SLC2A9: variants seen among roughly 807,000 people sequenced by gnomAD.
SLC2A9 encodes solute carrier family 2 member 9, also known as solute carrier family 2, facilitated glucose transporter member 9.
A neutral mutation model predicts 50.6 loss-of-function variants in SLC2A9; 39 were observed. The observed-to-expected ratio is 0.77, with a 90% CI of 0.60 to 1.01. The LOEUF (loss-of-function observed/expected upper bound fraction) is 1.01, where lower values mean the gene tolerates loss of function less well. SLC2A9 is among the 50% of genes least tolerant of loss of function. SLC2A9 has a pLI of 0.00. For synonymous variants in SLC2A9, 324 were observed against 276.9 expected (o/e 1.17, Z -1.69); for missense variants, 686 against 677.6 (o/e 1.01, Z -0.14).
intron 7 of SLC2A9, among the ~76,000 whole-genome samples, chr4:9,915,038 C>T (rs16890905): frequency 0.15 from 22,815 of 152,166 alleles, 2,674 homozygotes; most frequent in East Asian, 0.66. Flanking sequence ...AATGATACCA[C>T]CTTTCTGGCC....
intron 10 of SLC2A9, among the ~76,000 whole-genome samples, chr4:9,837,109 C>T (rs1727237647): frequency 1.3e-5 from 2 of 152,198 alleles, no homozygotes; most frequent in Non-Finnish European, 1.5e-5. Flanking sequence ...TCCCACTACA[C>T]TGTGAGCCCC....
chr4:10,001,714 GTTCT>G (rs1231880828), intron 2 of SLC2A9, among the ~76,000 whole-genome samples: 4 of 152,176 alleles, frequency 2.6e-5, no homozygotes, highest in Non-Finnish European at 5.9e-5. Flanking sequence ...TGGCCACTAT[GTTCT>G]TTCTTAGTGG....
At chr4:9,932,087 C>T (rs1015843946) in intron 6 of SLC2A9, among the ~76,000 whole-genome samples, 3 of 148,106 alleles carry the variant, frequency 2.0e-5, no homozygotes, top group African/African-American at 7.6e-5. Flanking sequence ...TCACAGAAGG[C>T]CCAAAGCAAT....
chr4:9,902,777 T>A (rs1172182284), intron 8 of SLC2A9, among the ~76,000 whole-genome samples: 2 of 152,216 alleles, frequency 1.3e-5, no homozygotes. Context: ...CCTATTCCAG[T>A]ATAACCGTAT....
At chr4:10,028,569 T>G (rs1214868778) in intron 1 of SLC2A9, among the ~76,000 whole-genome samples, 1 of 151,682 alleles carries the variant, frequency 6.6e-6, no homozygotes, top group African/African-American at 2.4e-5. Flanking sequence ...CCAATAATAA[T>G]GCATGGACAT....
At chr4:9,803,611 C>G (rs1721746671) in intron 3 of SLC2A9, among the ~76,000 whole-genome samples, 1 of 152,214 alleles carries the variant, frequency 6.6e-6, no homozygotes, top group African/African-American at 2.4e-5. Flanking sequence ...CCTTCATTGA[C>G]AGCTATGGAG....
chr4:9,801,884 T>G (rs73805857), intron 3 of SLC2A9, among the ~76,000 whole-genome samples: 173 of 152,332 alleles, frequency 1.1e-3, no homozygotes, highest in African/African-American at 4.0e-3. Flanking sequence ...CTGAATGTGA[T>G]GCATTTTAAT....
chr4:10,022,141 C>T (rs531164873), upstream of SLC2A9, among the ~76,000 whole-genome samples: 4 of 152,290 alleles, frequency 2.6e-5, no homozygotes, highest in South Asian at 8.3e-4. Context: ...GTCTGGCCAA[C>T]TCCTCCACTT....
At chr4:9,905,220 C>A (rs934496869) in intron 8 of SLC2A9, among the ~76,000 whole-genome samples, 1 of 152,258 alleles carries the variant, frequency 6.6e-6, no homozygotes, top group East Asian at 1.9e-4. Context: ...TCACTTCCTG[C>A]TCAGAGGAAC....
At chr4:9,833,319 A>C (rs1726487546) in intron 11 of SLC2A9, among the ~76,000 whole-genome samples, 1 of 152,144 alleles carries the variant, frequency 6.6e-6, no homozygotes, top group Non-Finnish European at 1.5e-5. Flanking sequence ...GATGTCTTGA[A>C]AGTTACAGGG....
chr4:9,781,506 C>G lies in SLC2A9; in HGVS notation n.386-1441G>C, dbSNP rs576762495. On this transcript the variant is annotated intron_variant and non_coding_transcript_variant, in intron 3 of 3. Transcript: ENST00000503803. Reference sequence around the variant, plus strand: ...CGCCCCTCGGACCTGCGGGATCGCCCCTACACTCTGGCGCGCTGAGGGCGG... The same window carrying G: ...CGCCCCTCGGACCTGCGGGATCGCCGCTACACTCTGGCGCGCTGAGGGCGG... 2.0e-5 allele frequency among the ~76,000 whole-genome samples: 3 copies of G among 152,286 alleles called. No homozygotes were observed. The East Asian group carries it at 5.8e-4, about 30-fold the overall frequency.
chr4:10,036,725 C>CCTCCATCAT (rs1453123480), intron 1 of SLC2A9, among the ~76,000 whole-genome samples: 1 of 152,228 alleles, frequency 6.6e-6, no homozygotes, highest in African/African-American at 2.4e-5. Context: ...GTAAATCATT[C>CCTCCATCAT]CTCCATCATC....
chr4:10,014,176 C>T (rs1256103183), intron 2 of SLC2A9, among the ~76,000 whole-genome samples: 2 of 152,106 alleles, frequency 1.3e-5, no homozygotes, highest in Non-Finnish European at 1.5e-5. Context: ...GGTTCTGGGG[C>T]TGCCTCACTC....
rs1726815370 is a variant in SLC2A9 at position 9,835,107 on chromosome 4, T to C, written c.1292-99A>G. 106 of 1,551,076 alleles carry C rather than the reference T, an allele frequency of 6.8e-5. 2 individuals carry two copies. The South Asian group carries it at 1.2e-3, about 18-fold the overall frequency. ...CCACACTTTAGAACCCCCCCACCCC[T>C]GCCCCTTGACTGGATGTGTAGTGGG... On this transcript the variant is annotated intron_variant, in intron 10 of 11. Transcript: ENST00000264784.
chr4:9,854,850 A>G (rs1020152212), intron 10 of SLC2A9, among the ~76,000 whole-genome samples: 12 of 152,222 alleles, frequency 7.9e-5, no homozygotes, highest in South Asian at 2.1e-4. Flanking sequence ...AAACAAAAGT[A>G]AAAACAGAAA....
intron 3 of SLC2A9, among the ~76,000 whole-genome samples, chr4:9,805,430 G>T (rs1398435439): frequency 6.6e-6 from 1 of 152,220 alleles, no homozygotes; most frequent in Non-Finnish European, 1.5e-5. Flanking sequence ...ACCCTGAGGT[G>T]GCTCATGCCT....
intron 3 of SLC2A9, among the ~76,000 whole-genome samples, chr4:9,812,572 C>T (rs984858909): frequency 2.0e-5 from 3 of 151,454 alleles, no homozygotes; most frequent in Non-Finnish European, 2.9e-5. Context: ...AAATATCTGT[C>T]TTTAGATGTC....
chr4:9,929,550 G>A (rs1026460630), intron 6 of SLC2A9, among the ~76,000 whole-genome samples: 6 of 152,120 alleles, frequency 3.9e-5, no homozygotes, highest in African/African-American at 9.7e-5. Context: ...GGAGAGGCAC[G>A]TGCTGTGCTT....
At position 9,944,497 on chromosome 4, in the gene SLC2A9, G is replaced by A. The variant is rs187545912; in HGVS notation, c.682-2452C>T. On this transcript the variant is annotated intron_variant, in intron 5 of 11. Transcript: ENST00000264784. ...TGTGGACTCTTTCTTAAGGGGGGTC[G>A]CATGGGTGACCATGGTCTTCTTTCT... is the stretch of plus-strand genomic sequence containing the variant. 1.3e-4 allele frequency among the ~76,000 whole-genome samples: 20 copies of A among 152,240 alleles called. No homozygotes were observed. In the East Asian group the frequency reaches 1.5e-3, roughly 12 times the overall value.
Sources: gnomAD v4.1 joint callset for allele counts (sites outside exome capture counted in the v4.1 genomes callset) on GRCh38, gnomAD v4.1.1 for gene constraint, MANE v1.5 for transcripts, NCBI Gene and HGNC (gene_info 2026-07-23, HGNC 2026-07-21) for gene names.